Variants in USP34 observed in about 807,000 individuals in gnomAD.
USP34 encodes ubiquitin carboxyl-terminal hydrolase 34.
In USP34, 70 loss-of-function variants were observed where a neutral mutation model predicts 460.3. The observed-to-expected ratio is 0.15, with a 90% CI of 0.13 to 0.19. The LOEUF (loss-of-function observed/expected upper bound fraction) is 0.19, where lower values mean the gene tolerates loss of function less well. USP34 is among the 10% of genes least tolerant of loss of function. USP34 has a pLI of 1.00. For synonymous variants in USP34, 1,647 were observed against 1,405.3 expected (o/e 1.17, Z -3.85); for missense variants, 3,985 against 4,236.2 (o/e 0.94, Z 1.65).
intron 38 of USP34, among the ~76,000 whole-genome samples, chr2:61,280,717 T>C (rs1409571833): frequency 1.3e-5 from 2 of 152,084 alleles, no homozygotes; most frequent in African/African-American, 2.4e-5. Context: ...GGGTAGGAAA[T>C]AAAATTTAAA....
Position 61,319,309 on chromosome 2 carries a change from A to G in USP34, c.3032T>C (p.Val1011Ala). The change falls in exon 22 of 80, where the codon GTT becomes GCT. Residue 1011 changes from valine (V) to alanine (A), a missense_variant. Coordinates refer to ENST00000398571, the MANE Select transcript of USP34 (RefSeq NM_014709.4). ...PDHFRLSLEQ[V>A]DILWHCLVED... is the part of the protein sequence containing the mutation. ...TACTAAACAATGCCATAAGATGTCA[A>G]CTTGCTCTAAACTTAACCCTAGATA... 6.4e-7 allele frequency: 1 copy of G among 1,561,194 alleles called. No individual in the cohort carries two copies. The highest frequency in any genetic ancestry group is 2.3e-5 in the East Asian group (1 of 42,978).
At chr2:61,410,824 C>A (rs909911500) in intron 2 of USP34, among the ~76,000 whole-genome samples, 1 of 152,046 alleles carries the variant, frequency 6.6e-6, no homozygotes, top group Non-Finnish European at 1.5e-5. Flanking sequence ...AAACTTCCAA[C>A]TAGCTATGAA....
At chr2:61,454,175 C>G (rs1695364904) in intron 1 of USP34, among the ~76,000 whole-genome samples, 1 of 151,826 alleles carries the variant, frequency 6.6e-6, no homozygotes, top group Non-Finnish European at 1.5e-5. Context: ...CTCCCTCTGT[C>G]ACCCAGGGGT....
chr2:61,410,874 C>T (rs1372659159), intron 2 of USP34, among the ~76,000 whole-genome samples: 1 of 152,026 alleles, frequency 6.6e-6, no homozygotes, highest in South Asian at 2.1e-4. Flanking sequence ...CCCCACAGAA[C>T]ACTGGAAAGG....
chr2:61,235,987 A>C (rs759206995), intron 56 of USP34, 39 bp downstream of exon 56: 6 of 1,598,334 alleles, frequency 3.8e-6, no homozygotes, highest in Non-Finnish European at 3.4e-6. Context: ...TCTGATAAAA[A>C]CATAAATGAC....
At chr2:61,406,248 T>TC in intron 2 of USP34, 120 bp from the exon 3 acceptor site, 1 of 907,376 alleles carries the variant, frequency 1.1e-6, no homozygotes, top group Non-Finnish European at 1.6e-6. Context: ...ATTTTTTCCT[T>TC]CCTGCTGGGG....
chr2:61,254,213 T>G (rs946259952), intron 48 of USP34, among the ~76,000 whole-genome samples: 4 of 152,248 alleles, frequency 2.6e-5, no homozygotes, highest in African/African-American at 9.6e-5. Context: ...GATTATTTTC[T>G]TCTTGAGATT....
intron 1 of USP34, among the ~76,000 whole-genome samples, chr2:61,451,163 G>T (rs1286630590): frequency 1.5e-5 from 2 of 131,668 alleles, no homozygotes; most frequent in African/African-American, 5.9e-5. Context: ...GGAAGTTGCA[G>T]TGAGCCGAGA....
At chr2:61,460,542 G>T (rs1169149215) in intron 1 of USP34, among the ~76,000 whole-genome samples, 4 of 151,846 alleles carry the variant, frequency 2.6e-5, no homozygotes, top group Non-Finnish European at 4.4e-5. Flanking sequence ...TTAAAATAAT[G>T]AGAAAAAAAA....
intron 2 of USP34, among the ~76,000 whole-genome samples, chr2:61,418,470 G>C (rs954797557): frequency 6.6e-6 from 1 of 152,080 alleles, no homozygotes; most frequent in Non-Finnish European, 1.5e-5. Flanking sequence ...ATAATCTTAC[G>C]AAAGCTTTTT....
intron 33 of USP34, among the ~76,000 whole-genome samples, chr2:61,292,923 A>T (rs1028532861): frequency 1.3e-5 from 2 of 152,166 alleles, no homozygotes; most frequent in Non-Finnish European, 2.9e-5. Context: ...CAGAAAAAAA[A>T]ATTCCATTTT....
rs565378359 is a variant in USP34, at chr2:61,372,146, TTAAG to T, written c.1077-1571_1077-1568del. On this transcript the variant is annotated intron_variant, in intron 8 of 79. Transcript: ENST00000398571. Reference sequence around the variant, plus strand: ...ATTATATACAGATAAACTGGAAAGATTAAGTAATTTACTTTCTTATTGCATATCC... The same window carrying T: ...ATTATATACAGATAAACTGGAAAGATTAATTTACTTTCTTATTGCATATCC... 3.5e-4 allele frequency among the ~76,000 whole-genome samples: 54 copies of T among 152,128 alleles called. 1 individual carries two copies. Among genetic ancestry groups the T allele is most frequent in the Non-Finnish European group, 6.9e-4 (47 of 68,026 alleles).
chr2:61,354,974 T>C (rs1288823987), intron 10 of USP34, among the ~76,000 whole-genome samples: 11 of 152,114 alleles, frequency 7.2e-5, no homozygotes. Flanking sequence ...GAGCCCCACA[T>C]CCCTCTGTTG....
At chr2:61,378,140 T>G (rs1692850286) in intron 8 of USP34, among the ~76,000 whole-genome samples, 1 of 152,064 alleles carries the variant, frequency 6.6e-6, no homozygotes, top group African/African-American at 2.4e-5. Flanking sequence ...ACCACTGTAC[T>G]CCACCCTGGG....
At chr2:61,273,710 G>C (rs1174488970) in intron 41 of USP34, among the ~76,000 whole-genome samples, 1 of 152,024 alleles carries the variant, frequency 6.6e-6, no homozygotes. Flanking sequence ...GTGAGACACT[G>C]TCTCAAAAAA....
chr2:61,331,233 G>T (rs1298110424), intron 20 of USP34, 43 bp downstream of exon 20: 1 of 1,489,730 alleles, frequency 6.7e-7, no homozygotes, highest in East Asian at 2.3e-5. Flanking sequence ...TCAAAGGAAA[G>T]ACATCGACAC....
chr2:61,397,944 G>A (rs1013420608), intron 3 of USP34, among the ~76,000 whole-genome samples: 2 of 152,044 alleles, frequency 1.3e-5, no homozygotes, highest in African/African-American at 4.8e-5. Flanking sequence ...GCACACGCCT[G>A]TAATCCCAGC....
In USP34 at chr2:61,278,403, G is replaced by C; in HGVS notation, c.5297C>G (p.Ala1766Gly). ...CAAATTTTACCTTCGAATACAGTCA[G>C]CCAAATGTCTTGCCAAGGCATCTAA... ...LDLDALARHL[A>G]DCIRSREILD... is the part of the protein sequence containing the mutation. The change falls in exon 40 of 80, where the codon GCT becomes GGT. Residue 1766 changes from alanine (A) to glycine (G), a missense_variant. Physicochemically the swap from Ala to Gly is moderately conservative, Grantham distance 60. This residue lies in a region of USP34 where 1,114 missense variants were observed against 1,122.5 expected (regional missense o/e 0.99). Coordinates refer to ENST00000398571, the MANE Select transcript of USP34 (RefSeq NM_014709.4). 2 of 1,604,410 alleles carry C rather than the reference G, an allele frequency of 1.2e-6. No homozygotes were observed. The highest frequency in any genetic ancestry group is 1.7e-6 in the Non-Finnish European group (2 of 1,176,956).
chr2:61,206,093 C>A lies in USP34; in HGVS notation c.9078G>T (p.Glu3026Asp). The A allele has an allele frequency of 6.2e-7, 1 of 1,613,748 alleles. No individual in the cohort carries two copies. Among genetic ancestry groups the A allele is most frequent in the Non-Finnish European group, 8.5e-7 (1 of 1,179,800 alleles). The change falls in exon 72 of 80, where the codon GAG becomes GAT. Residue 3026 changes from glutamate (E) to aspartate (D), a missense_variant. By Grantham distance (45) the Glu-to-Asp change is conservative. Around this residue, in one of 14 missense-constraint regions of USP34, gnomAD observed 275 missense variants for 292.7 expected, o/e 0.94. Transcript: ENST00000398571. ...ACAGTTTATGGGCAAATTCAATTCG[C>A]TCCTGCCACTGGATTAATGCTTGTT... ...DVKQALIQWQERIEFAHKLLT... is the reference protein window; with the variant it reads ...DVKQALIQWQDRIEFAHKLLT...
Sources: allele counts gnomAD v4.1 joint callset (sites outside exome capture counted in the v4.1 genomes callset), GRCh38; gene constraint gnomAD v4.1.1; regional missense constraint gnomAD v4.1.1; transcripts MANE v1.5; gene names NCBI Gene and HGNC (gene_info 2026-07-23, HGNC 2026-07-21).